Variants in LTBP1 observed in about 807,000 individuals in gnomAD.
LTBP1 encodes latent-transforming growth factor beta-binding protein 1.
Under a neutral mutation model 207.6 loss-of-function variants are expected in LTBP1, and 129 were observed. That is an observed-to-expected ratio of 0.62 (90% CI 0.54 to 0.72). The LOEUF (loss-of-function observed/expected upper bound fraction) is 0.72, where lower values mean the gene tolerates loss of function less well. Ranked by LOEUF, LTBP1 falls within the 30% of genes least tolerant of loss-of-function variation. The pLI, the probability that LTBP1 is intolerant of heterozygous loss-of-function variation, is 0.00. For missense variants in LTBP1, 2,281 were observed against 2,217.2 expected (o/e 1.03, Z -0.58); for synonymous variants, 963 against 833.7 (o/e 1.16, Z -2.67).
chr2:33,242,557 G>C (rs369757676), intron 9 of LTBP1, among the ~76,000 whole-genome samples: 1 of 147,688 alleles, frequency 6.8e-6, no homozygotes, highest in African/African-American at 2.5e-5. Flanking sequence ...AACTCCTTCC[G>C]CAAAACCAGC....
At chr2:33,254,890 T>C (rs2092803706) in intron 11 of LTBP1, among the ~76,000 whole-genome samples, 1 of 126,034 alleles carries the variant, frequency 7.9e-6, no homozygotes, top group Admixed American at 8.1e-5. Context: ...TTTTGTATTT[T>C]CTATTACATT....
At chr2:33,150,717 T>C (rs935944984) in intron 5 of LTBP1, among the ~76,000 whole-genome samples, 22 of 113,888 alleles carry the variant, frequency 1.9e-4, no homozygotes, top group African/African-American at 5.7e-4. Context: ...TTTCTTTTTT[T>C]TTTTTTTTTT....
Position 33,182,721 on chromosome 2 carries a change from C to T in LTBP1, c.1202-4135C>T, listed in dbSNP as rs1180121853. ...ATATACACACACACACACACACACA[C>T]ACACACACACACACAGACATATATA... On this transcript the variant is annotated intron_variant, in intron 5 of 33. Coordinates refer to ENST00000404816, the MANE Select transcript of LTBP1 (RefSeq NM_206943.4). Among the ~76,000 whole-genome samples, 151 of 88,408 alleles carry T rather than the reference C, an allele frequency of 1.7e-3. 15 individuals are homozygous for T. Among genetic ancestry groups the T allele is most frequent in the African/African-American group, 6.7e-3 (141 of 21,020 alleles). 58.0% of individuals were successfully genotyped at this position (88,408 alleles called of 152,430 possible). A position where few individuals can be genotyped will look rare whatever the true frequency, so the allele number is the denominator to read the frequency against.
intron 5 of LTBP1, among the ~76,000 whole-genome samples, chr2:33,158,160 AAAAAAG>A (rs1254213685): frequency 7.1e-6 from 1 of 140,804 alleles, no homozygotes; most frequent in African/African-American, 2.5e-5. Context: ...AAAAAAAAAA[AAAAAAG>A]AGAGAGAGAG....
At chr2:33,193,706 A>T (rs563564182) in intron 7 of LTBP1, among the ~76,000 whole-genome samples, 3 of 152,104 alleles carry the variant, frequency 2.0e-5, no homozygotes, top group Non-Finnish European at 4.4e-5. Flanking sequence ...TCATTGTTGT[A>T]TCTGTTATGG....
intron 2 of LTBP1, among the ~76,000 whole-genome samples, chr2:32,987,145 G>A (rs1456713729): frequency 1.3e-5 from 2 of 152,174 alleles, no homozygotes; most frequent in East Asian, 1.9e-4. Flanking sequence ...GGTAGGAGAC[G>A]GAAAAGTAGC....
At chr2:32,968,539 A>G (rs765053862) in intron 2 of LTBP1, among the ~76,000 whole-genome samples, 6 of 152,096 alleles carry the variant, frequency 3.9e-5, no homozygotes, top group Non-Finnish European at 7.4e-5. Flanking sequence ...TTTGTAGACA[A>G]CATATTGTTG....
intron 15 of LTBP1, among the ~76,000 whole-genome samples, chr2:33,267,841 A>G (rs75260928): frequency 0.019 from 2,908 of 152,312 alleles, 97 homozygotes; most frequent in African/African-American, 0.067. Context: ...CTCAGCTTCA[A>G]CTGAACTGCA....
intron 2 of LTBP1, among the ~76,000 whole-genome samples, chr2:32,987,274 C>T (rs180766604): frequency 1.8e-4 from 27 of 151,946 alleles, no homozygotes; most frequent in East Asian, 5.8e-4. Context: ...AAAAGGGGAA[C>T]GGTGAAGTGG....
intron 13 of LTBP1, among the ~76,000 whole-genome samples, chr2:33,260,131 T>C (rs1302280203): frequency 6.6e-6 from 1 of 152,212 alleles, no homozygotes; most frequent in African/African-American, 2.4e-5. Flanking sequence ...AGTCAGTCTA[T>C]TGGCTTTTGG....
chr2:33,299,871 C>T (rs2093950548), intron 20 of LTBP1, among the ~76,000 whole-genome samples: 1 of 152,162 alleles, frequency 6.6e-6, no homozygotes, highest in African/African-American at 2.4e-5. Context: ...TAAAAATCCT[C>T]ACTTATCACT....
rs1177330028 is a variant in LTBP1, at chr2:33,310,940, A to G, written c.3604+1384A>G. Among the ~76,000 whole-genome samples, 3 of 152,136 alleles carry G rather than the reference A, an allele frequency of 2.0e-5. No homozygotes were observed. In the South Asian group the frequency reaches 6.2e-4, roughly 31 times the overall value. On this transcript the variant is annotated intron_variant, in intron 23 of 33. Transcript: ENST00000404816. ...ATTTTTTTCTTATTGTTTATCTACC[A>G]TTATGGAACTGTGTAGTGTATCCCA...
intron 5 of LTBP1, among the ~76,000 whole-genome samples, chr2:33,141,342 A>G (rs562510548): frequency 6.6e-6 from 1 of 152,314 alleles, no homozygotes; most frequent in East Asian, 1.9e-4. Context: ...AAAATGAAAA[A>G]GTTCTGGAGA....
chr2:33,192,625 T>A lies in LTBP1; in HGVS notation c.1701+3774T>A, dbSNP rs555152861. ...TCACCTTAATTAAATCTTGATTTTT[T>A]AAAAAAAAGCCAGATCTAAGAGATA... On this transcript the variant is annotated intron_variant, in intron 7 of 33. Coordinates refer to ENST00000404816, the MANE Select transcript of LTBP1 (RefSeq NM_206943.4). 3.8e-4 allele frequency among the ~76,000 whole-genome samples: 58 copies of A among 152,108 alleles called. 1 individual carries two copies. In the South Asian group the frequency reaches 5.6e-3, roughly 15 times the overall value.
chr2:33,228,975 G>A lies in LTBP1; in HGVS notation c.1876+6824G>A, dbSNP rs900232995. ...CAGCCTCTGAAAGTGCTGGGATTAC[G>A]GGTGTGAGCCACTGTACCCGGCCCT... On this transcript the variant is annotated intron_variant, in intron 9 of 33. Transcript: ENST00000404816. 3.3e-5 allele frequency among the ~76,000 whole-genome samples: 5 copies of A among 151,742 alleles called. No homozygotes were observed. The East Asian group carries it at 5.8e-4, about 18-fold the overall frequency.
At chr2:33,033,614 C>CTT (rs36113954) in intron 3 of LTBP1, among the ~76,000 whole-genome samples, 56 of 138,152 alleles carry the variant, frequency 4.1e-4, no homozygotes, top group South Asian at 9.2e-4. Flanking sequence ...AAAAAAGGGA[C>CTT]TTTTTTTTTT....
At chr2:32,994,885 G>C (rs1685011356) in intron 2 of LTBP1, among the ~76,000 whole-genome samples, 3 of 152,150 alleles carry the variant, frequency 2.0e-5, no homozygotes, top group Non-Finnish European at 2.9e-5. Flanking sequence ...ATCTTGCATT[G>C]GTATTTTCTT....
chr2:33,218,825 G>T (rs1251244877), intron 8 of LTBP1, among the ~76,000 whole-genome samples: 1 of 152,156 alleles, frequency 6.6e-6, no homozygotes, highest in South Asian at 2.1e-4. Flanking sequence ...TATAACTGAA[G>T]TTTTTATAAT....
chr2:33,244,620 C>A (rs2092446159), intron 10 of LTBP1, among the ~76,000 whole-genome samples: 1 of 152,036 alleles, frequency 6.6e-6, no homozygotes, highest in African/African-American at 2.4e-5. Flanking sequence ...TAATCATGCC[C>A]ATTATTATAG....
Sources: allele counts gnomAD v4.1 joint callset (sites outside exome capture counted in the v4.1 genomes callset), GRCh38; gene constraint gnomAD v4.1.1; transcripts MANE v1.5; gene names NCBI Gene and HGNC (gene_info 2026-07-23, HGNC 2026-07-21).